The following KCNMA1 variants were observed in gnomAD, a reference collection of about 807,000 sequenced individuals.
The protein encoded by KCNMA1 is potassium calcium-activated channel subfamily M alpha 1.
In KCNMA1, 29 loss-of-function variants were observed where a neutral mutation model predicts 140.0. The observed-to-expected ratio is 0.21, with a 90% confidence interval of 0.15 to 0.28. The LOEUF (loss-of-function observed/expected upper bound fraction) is 0.28. Ranked by LOEUF, KCNMA1 falls within the 10% of genes least tolerant of loss-of-function variation. KCNMA1 has a pLI of 1.00. For synonymous variants in KCNMA1, 612 were observed against 611.9 expected (o/e 1.00, Z 0.00); for missense variants, 880 against 1,602.2 (o/e 0.55, Z 7.70).
At chr10:76,945,389 G>A (rs2063642647) in intron 22 of KCNMA1, among the ~76,000 whole-genome samples, 1 of 152,118 alleles carries the variant, frequency 6.6e-6, no homozygotes, top group Non-Finnish European at 1.5e-5. Flanking sequence ...TTATTTAATA[G>A]CGGGTCACTT....
intron 2 of KCNMA1, among the ~76,000 whole-genome samples, chr10:77,311,592 AAAT>A (rs978980893): frequency 5.3e-5 from 8 of 152,344 alleles, no homozygotes; most frequent in Non-Finnish European, 1.0e-4. Context: ...TCATTTAAAA[AAAT>A]AAATAAATAA....
At chr10:77,276,051 G>A (rs1460921755) in intron 2 of KCNMA1, among the ~76,000 whole-genome samples, 1 of 152,140 alleles carries the variant, frequency 6.6e-6, no homozygotes, top group Non-Finnish European at 1.5e-5. Flanking sequence ...CACATTCACA[G>A]GGCATCTTAA....
At chr10:77,215,255 T>C (rs2047333671) in intron 3 of KCNMA1, among the ~76,000 whole-genome samples, 1 of 152,152 alleles carries the variant, frequency 6.6e-6, no homozygotes, top group Admixed American at 6.5e-5. Context: ...CTGTCCAAAA[T>C]GTCTTTCTCC....
intron 1 of KCNMA1, among the ~76,000 whole-genome samples, chr10:77,535,431 A>G (rs2058672860): frequency 6.6e-6 from 1 of 152,254 alleles, no homozygotes; most frequent in East Asian, 1.9e-4. Flanking sequence ...GGGAACATTC[A>G]TACACTGTTG....
At chr10:77,241,727 C>A (rs927578261) in intron 3 of KCNMA1, among the ~76,000 whole-genome samples, 1 of 152,040 alleles carries the variant, frequency 6.6e-6, no homozygotes, top group Admixed American at 6.5e-5. Context: ...ACTGAAGGAT[C>A]ACTTGAGCCA....
At chr10:77,025,998 A>AAAAAATAT (rs370771543) in intron 16 of KCNMA1, among the ~76,000 whole-genome samples, 2 of 139,908 alleles carry the variant, frequency 1.4e-5, no homozygotes, top group African/African-American at 2.6e-5. Context: ...AGAAAAAAAA[A>AAAAAATAT]ATATATATAT....
intron 1 of KCNMA1, among the ~76,000 whole-genome samples, chr10:77,506,571 T>TAGAGAGAGAGAG (rs72516981): frequency 5.8e-4 from 45 of 78,092 alleles, no homozygotes; most frequent in African/African-American, 2.8e-3. Context: ...GAGATGTTCC[T>TAGAGAGAGAGAG]AGAGAGAGAG....
chr10:77,495,230 C>G (rs1177476906), intron 1 of KCNMA1, among the ~76,000 whole-genome samples: 1 of 152,188 alleles, frequency 6.6e-6, no homozygotes, highest in Non-Finnish European at 1.5e-5. Flanking sequence ...GAAGTAGGCT[C>G]AATGTGTGAA....
intron 2 of KCNMA1, among the ~76,000 whole-genome samples, chr10:77,320,825 C>T (rs1199423249): frequency 1.3e-5 from 2 of 152,202 alleles, no homozygotes; most frequent in Admixed American, 1.3e-4. Flanking sequence ...CTTTATAACA[C>T]ACCAAGGCAG....
downstream of KCNMA1, chr10:76,875,238 A>G (rs545596000): frequency 6.6e-6 from 1 of 152,134 alleles, no homozygotes; most frequent in Non-Finnish European, 1.5e-5. Flanking sequence ...CCCTTAACAA[A>G]ATGCCTCATT....
intron 2 of KCNMA1, chr10:77,373,633 T>C (rs2094893380): frequency 6.6e-6 from 1 of 152,174 alleles, no homozygotes; most frequent in Non-Finnish European, 1.5e-5. Flanking sequence ...GACACTATGT[T>C]TGTCCTTCCA....
At chr10:76,923,652 C>T (rs2056745484) in intron 23 of KCNMA1, among the ~76,000 whole-genome samples, 2 of 152,156 alleles carry the variant, frequency 1.3e-5, no homozygotes, top group Non-Finnish European at 2.9e-5. Flanking sequence ...CACAACATCT[C>T]AACTTCTCAG....
chr10:77,204,507 AG>A (rs1263444394), intron 3 of KCNMA1, among the ~76,000 whole-genome samples: 1 of 152,204 alleles, frequency 6.6e-6, no homozygotes, highest in African/African-American at 2.4e-5. Context: ...TCCTTCTATG[AG>A]GGTTATCTTC....
chr10:77,450,023 C>A (rs139162691), intron 1 of KCNMA1, among the ~76,000 whole-genome samples: 279 of 152,256 alleles, frequency 1.8e-3, no homozygotes, highest in African/African-American at 6.5e-3. Flanking sequence ...AATCACAGCC[C>A]ACTGCAGCCT....
chr10:76,886,980 C>G lies in KCNMA1; in HGVS notation c.*286G>C. ...AGTGCTCCCTTCTAATCTGTGAACTCGTTCCTGCAGTGAGCTATTTATGTC... is the reference window on the plus strand; with the variant it reads ...AGTGCTCCCTTCTAATCTGTGAACTGGTTCCTGCAGTGAGCTATTTATGTC... On this transcript the variant is annotated 3_prime_UTR_variant, in exon 28 of 28. Transcript: ENST00000286628. 5 of 1,256,518 alleles carry G rather than the reference C, an allele frequency of 4.0e-6. No individual in the cohort carries two copies. The highest frequency in any genetic ancestry group is 5.1e-6 in the Non-Finnish European group (5 of 987,214). 77.8% of individuals were successfully genotyped at this position (1,256,518 alleles called of 1,614,324 possible).
intron 1 of KCNMA1, among the ~76,000 whole-genome samples, chr10:77,478,805 TATAATA>T: frequency 6.6e-6 from 1 of 152,270 alleles, no homozygotes; most frequent in Non-Finnish European, 1.5e-5. Flanking sequence ...CAATGCTATT[TATAATA>T]GCAAAAAAGA....
chr10:77,241,614 C>T (rs1007445803), intron 3 of KCNMA1, among the ~76,000 whole-genome samples: 6 of 151,896 alleles, frequency 4.0e-5, no homozygotes, highest in Non-Finnish European at 7.4e-5. Context: ...CACCACTGCA[C>T]TCCAGTCTGG....
Position 77,552,000 on chromosome 10 carries a change from GCCATGGTGGGAAAAATCTCTCTGAC to G in KCNMA1, c.378+85240_378+85264del, listed in dbSNP as rs539856852. Among the ~76,000 whole-genome samples, 10 of 152,268 alleles carry G rather than the reference GCCATGGTGGGAAAAATCTCTCTGAC, an allele frequency of 6.6e-5. No individual in the cohort carries two copies. The South Asian group carries it at 1.7e-3, about 25-fold the overall frequency. ...GACAGAGAGGCTCAGACCTCTCTGA[GCCATGGTGGGAAAAATCTCTCTGAC>G]CCATGGTGGGAAAAATCTCCCTGAA... On this transcript the variant is annotated intron_variant, in intron 1 of 27. Transcript: ENST00000286628.
chr10:76,991,993 T>A (rs2082902590), intron 19 of KCNMA1, among the ~76,000 whole-genome samples: 1 of 152,230 alleles, frequency 6.6e-6, no homozygotes, highest in Admixed American at 6.5e-5. Context: ...AGTCTCTCAG[T>A]GCAGTCGATC....
Sources: gnomAD v4.1 joint callset for allele counts (sites outside exome capture counted in the v4.1 genomes callset) on GRCh38, gnomAD v4.1.1 for gene constraint, MANE v1.5 for transcripts, NCBI Gene and HGNC (gene_info 2026-07-23, HGNC 2026-07-21) for gene names.